The following POFUT1 variants were observed in gnomAD, a reference collection of about 807,000 sequenced individuals.
POFUT1 encodes GDP-fucose protein O-fucosyltransferase 1.
In POFUT1, 16 loss-of-function variants were observed where a neutral mutation model predicts 42.4. The observed-to-expected ratio is 0.38, with a 90% CI of 0.26 to 0.57. The LOEUF is 0.57. Among genes scored for constraint, POFUT1 ranks in the 20% least tolerant of loss-of-function variants. POFUT1 has a pLI of 0.71. For synonymous variants in POFUT1, 206 were observed against 205.4 expected (o/e 1.00, Z -0.03); for missense variants, 470 against 504.6 (o/e 0.93, Z 0.66).
rs770936289 is a variant in POFUT1 at position 32,228,267 on chromosome 20, T to G, written c.547T>G (p.Ser183Ala). ...SYREQWSQRFSPKEHPVLALP... is the reference protein window; with the variant it reads ...SYREQWSQRFAPKEHPVLALP... ...CTCATTCCATCTCCTGTCTAGATTT[T>G]CTCCAAAGGAACATCCGGTGCTTGC... Residue 183 changes from serine (S) to alanine (A), a missense_variant, in exon 5 of 7, where the codon TCT becomes GCT. By Grantham distance (99) the Ser-to-Ala change is moderately conservative. Coordinates refer to ENST00000375749, the MANE Select transcript of POFUT1 (RefSeq NM_015352.2). The G allele has an allele frequency of 6.2e-7, 1 of 1,612,826 alleles. No individual in the cohort carries two copies. Among genetic ancestry groups the G allele is most frequent in the East Asian group, 2.2e-5 (1 of 44,850 alleles).
At chr20:32,232,341 A>C (rs2047447820) in intron 6 of POFUT1, among the ~76,000 whole-genome samples, 1 of 152,152 alleles carries the variant, frequency 6.6e-6, no homozygotes, top group African/African-American at 2.4e-5. Context: ...GAAAAGCAGA[A>C]GAAAAATATA....
At chr20:32,219,199 A>G (rs2122577912) in intron 4 of POFUT1, among the ~76,000 whole-genome samples, 1 of 152,338 alleles carries the variant, frequency 6.6e-6, no homozygotes, top group South Asian at 2.1e-4. Context: ...AACAGGGGAG[A>G]TAGTGAATAA....
chr20:32,221,412 A>G (rs1015396885), intron 4 of POFUT1, among the ~76,000 whole-genome samples: 1 of 152,052 alleles, frequency 6.6e-6, no homozygotes, highest in Non-Finnish European at 1.5e-5. Flanking sequence ...CTATCTTCAG[A>G]GTTTTCAAGA....
intron 4 of POFUT1, among the ~76,000 whole-genome samples, chr20:32,220,299 C>A (rs1244038864): frequency 6.6e-6 from 1 of 152,146 alleles, no homozygotes; most frequent in Non-Finnish European, 1.5e-5. Context: ...TCAAGTTATC[C>A]TTTTTTGGTA....
At chr20:32,221,825 C>G (rs1316998223) in intron 4 of POFUT1, among the ~76,000 whole-genome samples, 1 of 152,052 alleles carries the variant, frequency 6.6e-6, no homozygotes, top group Non-Finnish European at 1.5e-5. Context: ...TTAAATATAT[C>G]AGGGTTCTCA....
At chr20:32,225,103 G>T (rs963306309) in intron 4 of POFUT1, among the ~76,000 whole-genome samples, 1 of 152,142 alleles carries the variant, frequency 6.6e-6, no homozygotes, top group Non-Finnish European at 1.5e-5. Context: ...TAATTAGCTT[G>T]GCTGTACTAT....
chr20:32,228,346 A>C lies in POFUT1; in HGVS notation c.626A>C (p.Gln209Pro). The C allele has an allele frequency of 6.2e-7, 1 of 1,614,128 alleles. No homozygotes were observed. The highest frequency in any genetic ancestry group is 8.5e-7 in the Non-Finnish European group (1 of 1,179,956). Residue 209 changes from glutamine to proline, a missense_variant, in exon 5 of 7, where the codon CAG becomes CCG. Transcript: ENST00000375749. ...FPVLEEHRPL[Q>P]KYMVWSDEMV... ...GTCCTAGAGGAACACAGGCCACTAC[A>C]GAAGTACATGGTATGGTCAGACGAA...
At chr20:32,211,789 TTCTC>T (rs2122564424) in intron 2 of POFUT1, among the ~76,000 whole-genome samples, 1 of 152,294 alleles carries the variant, frequency 6.6e-6, no homozygotes, top group Non-Finnish European at 1.5e-5. Context: ...TTCCCAGTCT[TTCTC>T]TCACCTGACC....
At chr20:32,216,784 C>T (rs1036321938) in intron 4 of POFUT1, 63 bp downstream of exon 4, 4 of 1,354,552 alleles carry the variant, frequency 3.0e-6, no homozygotes, top group Admixed American at 3.5e-5. Context: ...GAGCATTCAG[C>T]ACCTTCTGGC....
Position 32,208,052 on chromosome 20 carries a change from C to T in POFUT1, c.111C>T (p.Tyr37=). Reference sequence around the variant, plus strand: ...GGGACCCGGCCGGTTACCTGCTCTACTGCCCCTGCATGGGTAAGGCCTCCC... The same window carrying T: ...GGGACCCGGCCGGTTACCTGCTCTATTGCCCCTGCATGGGTAAGGCCTCCC... The part of the protein sequence containing the change: ...GSWDPAGYLL[Y]CPCMGRFGNQ... The change falls in exon 1 of 7, where the codon TAC becomes TAT. Residue 37 remains tyrosine (Y), a synonymous_variant. Transcript: ENST00000375749. 1 of 1,561,144 alleles carries T rather than the reference C, an allele frequency of 6.4e-7. No homozygotes were observed. Among genetic ancestry groups the T allele is most frequent in the Non-Finnish European group, 8.6e-7 (1 of 1,157,320 alleles).
At chr20:32,215,985 C>CA (rs1367889633) in intron 3 of POFUT1, among the ~76,000 whole-genome samples, 1 of 152,190 alleles carries the variant, frequency 6.6e-6, no homozygotes, top group African/African-American at 2.4e-5. Context: ...AATTTGGCAC[C>CA]ATTGTCTACC....
Position 32,214,316 on chromosome 20 carries a change from G to T in POFUT1, c.247-953G>T, listed in dbSNP as rs80118870. Among the ~76,000 whole-genome samples, 1,489 of 151,968 alleles carry T rather than the reference G, an allele frequency of 9.8e-3. 26 individuals are homozygous for T. Among genetic ancestry groups the T allele is most frequent in the African/African-American group, 0.034 (1,416 of 41,400 alleles). On this transcript the variant is annotated intron_variant, in intron 2 of 6. Coordinates refer to ENST00000375749, the MANE Select transcript of POFUT1 (RefSeq NM_015352.2). ...ATTTTTTTATTTTTTGTAGAGACAG[G>T]GTCTCGCTATGTTGTCTAGGCTGGT...
intron 4 of POFUT1, among the ~76,000 whole-genome samples, chr20:32,225,071 G>T (rs981197919): frequency 2.0e-5 from 3 of 152,174 alleles, no homozygotes; most frequent in Admixed American, 2.0e-4. Flanking sequence ...AATCCTCTCA[G>T]TAGCCCTATA....
chr20:32,217,747 T>G (rs1360486649), intron 4 of POFUT1: 2 of 985,008 alleles, frequency 2.0e-6, no homozygotes, highest in Non-Finnish European at 2.4e-6. Context: ...TCACATGCTT[T>G]ATTTTATTTA....
chr20:32,234,751 G>T lies in POFUT1; in HGVS notation c.*90G>T, dbSNP rs568677693. On this transcript the variant is annotated 3_prime_UTR_variant, in exon 7 of 7. Transcript: ENST00000375749. ...CAGGCCTGGCAGCCAGAGGTGCTCC[G>T]GGATTGCAAACTCCTCTTCTCACCT... The T allele has an allele frequency of 1.5e-5, 18 of 1,207,314 alleles. No homozygotes were observed. Among genetic ancestry groups the T allele is most frequent in the Non-Finnish European group, 2.1e-5 (18 of 865,638 alleles). The allele number at this position is 1,207,314 out of a possible 1,614,324, so 74.8% of individuals were successfully genotyped here.
At chr20:32,217,275 C>T in intron 4 of POFUT1, 2 of 1,374,052 alleles carry the variant, frequency 1.5e-6, no homozygotes, top group Non-Finnish European at 1.9e-6. Context: ...TGAGGATGAC[C>T]AGCTCTGGTT....
intron 4 of POFUT1, chr20:32,222,872 T>G (rs2047397721): frequency 2.3e-5 from 23 of 985,400 alleles, no homozygotes; most frequent in Non-Finnish European, 2.8e-5. Context: ...GGCTTGTCAT[T>G]CTCCCAGGCT....
intron 5 of POFUT1, among the ~76,000 whole-genome samples, chr20:32,229,776 T>C (rs1171391601): frequency 6.6e-6 from 1 of 151,810 alleles, no homozygotes; most frequent in Non-Finnish European, 1.5e-5. Context: ...CCTCCTTCAA[T>C]GCTTTTTTTT....
rs889934702 is a variant in POFUT1, at chr20:32,217,815, G to A, written c.542+1094G>A. The stretch of plus-strand genomic sequence containing the variant: ...TTATCAATTTCCATTTTATAGGTGA[G>A]GAAACTGAGCCCAGTGAAGTTAAAT... On this transcript the variant is annotated intron_variant, in intron 4 of 6. Coordinates refer to ENST00000375749, the MANE Select transcript of POFUT1 (RefSeq NM_015352.2). 6 of 885,654 alleles carry A rather than the reference G, an allele frequency of 6.8e-6. No homozygotes were observed. The African/African-American group carries it at 1.1e-4, about 16-fold the overall frequency. 54.9% of individuals were successfully genotyped at this position (885,654 alleles called of 1,614,324 possible).
Sources: gnomAD v4.1 joint callset for allele counts (sites outside exome capture counted in the v4.1 genomes callset) on GRCh38, gnomAD v4.1.1 for gene constraint, MANE v1.5 for transcripts, NCBI Gene and HGNC (gene_info 2026-07-23, HGNC 2026-07-21) for gene names.